Variants in POP1 observed in about 807,000 individuals in gnomAD.
POP1 encodes ribonucleases P/MRP protein subunit POP1.
In POP1, 75 loss-of-function variants were observed where a neutral mutation model predicts 102.2. The ratio of observed to expected loss-of-function variants is 0.73; its 90% CI spans 0.61 to 0.89. POP1 has a LOEUF of 0.89. Ranked by LOEUF, POP1 falls within the 40% of genes least tolerant of loss-of-function variation. The pLI is 0.00. For synonymous variants in POP1, 436 were observed against 464.1 expected, an observed-to-expected ratio of 0.94 and a Z score of 0.78; for missense variants, 1,116 against 1,267.4, an observed-to-expected ratio of 0.88 and a Z score of 1.81.
At chr8:98,140,268 T>C in intron 10 of POP1, 79 bp downstream of exon 10, 1 of 1,091,396 alleles carries the variant, frequency 9.2e-7, no homozygotes, top group East Asian at 2.4e-5. Context: ...CTCCAACATG[T>C]AGTATTGCTT....
chr8:98,128,304 G>A, intron 3 of POP1, 61 bp from the exon 4 acceptor site: 1 of 1,542,216 alleles, frequency 6.5e-7, no homozygotes, highest in Non-Finnish European at 8.9e-7. Flanking sequence ...CCAGCAGCCT[G>A]TTTATTCTCC....
At chr8:98,127,855 C>G (rs1342569301) in intron 3 of POP1, 93 bp downstream of exon 3, 11 of 1,302,430 alleles carry the variant, frequency 8.4e-6, no homozygotes, top group Non-Finnish European at 1.1e-5. Context: ...CCTGGCTCTG[C>G]CTCCCCTACC....
chr8:98,156,505 C>CA (rs973056606), intron 15 of POP1, 93 bp downstream of exon 15: 12 of 1,507,888 alleles, frequency 8.0e-6, no homozygotes, highest in South Asian at 3.6e-5. Context: ...TTTGTTTATG[C>CA]AAAATCCAAG....
intron 3 of POP1, 98 bp downstream of exon 3, chr8:98,127,860 C>A (rs928140511): frequency 6.3e-6 from 8 of 1,272,790 alleles, no homozygotes; most frequent in African/African-American, 5.9e-5. Context: ...CTCTGCCTCC[C>A]CTACCTCTCC....
intron 15 of POP1, 110 bp from the exon 16 acceptor site, chr8:98,157,507 C>G: frequency 7.7e-7 from 1 of 1,293,296 alleles, no homozygotes; most frequent in Non-Finnish European, 1.1e-6. Flanking sequence ...AGTTTTGATT[C>G]TTATATAGTA....
intron 13 of POP1, 82 bp from the exon 14 acceptor site, chr8:98,150,403 G>A: frequency 2.7e-6 from 4 of 1,481,322 alleles, no homozygotes; most frequent in Non-Finnish European, 1.9e-6. Flanking sequence ...CGTTTAGGTT[G>A]TTTCCATTTT....
intron 12 of POP1, among the ~76,000 whole-genome samples, chr8:98,148,139 A>G (rs1051073790): frequency 2.0e-5 from 3 of 152,226 alleles, no homozygotes; most frequent in African/African-American, 7.2e-5. Context: ...TGGAATTACT[A>G]ACACATAGAT....
intron 14 of POP1, among the ~76,000 whole-genome samples, chr8:98,153,449 G>A (rs1232016370): frequency 1.3e-5 from 2 of 151,408 alleles, no homozygotes; most frequent in African/African-American, 4.9e-5. Flanking sequence ...CTGAATATAA[G>A]ACTGTGAGAC....
chr8:98,145,934 T>C (rs1342659500), intron 11 of POP1, among the ~76,000 whole-genome samples: 1 of 151,906 alleles, frequency 6.6e-6, no homozygotes, highest in South Asian at 2.1e-4. Flanking sequence ...AAAAAATACA[T>C]TTTACAGAAA....
chr8:98,155,827 G>A (rs1563786540), intron 14 of POP1: 1 of 494,426 alleles, frequency 2.0e-6, no homozygotes, highest in Non-Finnish European at 3.6e-6. Context: ...CGCCTGCCTT[G>A]GCCTCCTAAA....
At chr8:98,153,533 CTTTTTTTT>C (rs747984872) in intron 14 of POP1, among the ~76,000 whole-genome samples, 15 of 85,488 alleles carry the variant, frequency 1.8e-4, no homozygotes, top group Non-Finnish European at 2.7e-4. Flanking sequence ...AGTTCTGACT[CTTTTTTTT>C]TTTTTTTTTT....
chr8:98,119,281 A>G (rs1408144971), intron 1 of POP1, among the ~76,000 whole-genome samples: 2 of 152,230 alleles, frequency 1.3e-5, no homozygotes, highest in Non-Finnish European at 2.9e-5. Flanking sequence ...ATTTCTTGTG[A>G]AACAAGGTAC....
intron 1 of POP1, among the ~76,000 whole-genome samples, chr8:98,118,037 TA>T (rs1554623414): frequency 1.8e-4 from 26 of 142,916 alleles, no homozygotes; most frequent in South Asian, 8.8e-4. Context: ...ATGCAACAGT[TA>T]AAAAAAATAA....
chr8:98,145,909 G>GA (rs200513204), intron 11 of POP1, among the ~76,000 whole-genome samples: 51 of 147,342 alleles, frequency 3.5e-4, no homozygotes, highest in African/African-American at 1.1e-3. Context: ...CTGTCTCAAA[G>GA]AAAAAAAAAG....
chr8:98,121,827 C>T (rs1247304903), intron 1 of POP1, among the ~76,000 whole-genome samples: 3 of 151,936 alleles, frequency 2.0e-5, no homozygotes. Context: ...CGACTACAGG[C>T]GCCCGCCACC....
chr8:98,134,268 CAGAA>C (rs1816465607), intron 6 of POP1, among the ~76,000 whole-genome samples, 200 bp from the exon 7 acceptor site: 1 of 152,154 alleles, frequency 6.6e-6, no homozygotes, highest in Admixed American at 6.5e-5. Context: ...GTGAACTTGA[CAGAA>C]AGAAACTTGA....
At chr8:98,134,126 C>A in intron 6 of POP1, 90 bp downstream of exon 6, 2 of 985,284 alleles carry the variant, frequency 2.0e-6, no homozygotes, top group Non-Finnish European at 3.2e-6. Context: ...TTTTGGAATT[C>A]AAACATATAG....
intron 14 of POP1, 112 bp from the exon 15 acceptor site, chr8:98,155,938 T>G (rs1809636238): frequency 1.1e-6 from 1 of 872,218 alleles, no homozygotes. Flanking sequence ...TGTGTGTGTG[T>G]GTGTGTGTGT....
At chr8:98,153,045 C>G (rs1048528376) in intron 14 of POP1, among the ~76,000 whole-genome samples, 1 of 152,102 alleles carries the variant, frequency 6.6e-6, no homozygotes, top group Non-Finnish European at 1.5e-5. Context: ...TCATAGCTTA[C>G]TGCAGCCTCC....
Sources: gnomAD v4.1 joint callset for allele counts (sites outside exome capture counted in the v4.1 genomes callset) on GRCh38, gnomAD v4.1.1 for gene constraint, MANE v1.5 for transcripts, NCBI Gene and HGNC (gene_info 2026-07-23, HGNC 2026-07-21) for gene names.